The following WBP1L variants were observed in gnomAD, a reference collection of about 807,000 sequenced individuals.
WBP1L encodes the protein WW domain binding protein 1-like.
Under a neutral mutation model 33.7 loss-of-function variants are expected in WBP1L, and 17 were observed. That is an observed-to-expected ratio of 0.50 (90% CI 0.34 to 0.76). WBP1L has a LOEUF of 0.76. WBP1L is among the 30% of genes least tolerant of loss of function. The probability of loss-of-function intolerance (pLI) is 0.01; values close to 1 mark genes in which losing one functional copy is unlikely to be tolerated. For synonymous variants in WBP1L, 173 were observed against 190.8 expected, an observed-to-expected ratio of 0.91 and a Z score of 0.77; for missense variants, 389 against 469.4, an observed-to-expected ratio of 0.83 and a Z score of 1.58.
chr10:102,799,291 A>C (rs12359921), intron 2 of WBP1L, among the ~76,000 whole-genome samples: 3 of 151,508 alleles, frequency 2.0e-5, no homozygotes, highest in Non-Finnish European at 2.9e-5. Context: ...GCGCCACTGC[A>C]CTCCAGCCTG....
chr10:102,805,310 T>G (rs886780448), intron 2 of WBP1L, among the ~76,000 whole-genome samples: 1 of 152,062 alleles, frequency 6.6e-6, no homozygotes, highest in Non-Finnish European at 1.5e-5. Context: ...TTTTAAAAAA[T>G]TGTAAAAGCT....
chr10:102,756,816 C>G (rs1200109784), intron 1 of WBP1L, among the ~76,000 whole-genome samples: 1 of 151,946 alleles, frequency 6.6e-6, no homozygotes, highest in Non-Finnish European at 1.5e-5. Context: ...CGCCTGTAAT[C>G]CCAGTACTTT....
At position 102,769,739 on chromosome 10, in the gene WBP1L, CTG is replaced by C. The variant is rs1226913048; in HGVS notation, c.90+25600_90+25601del. Among the ~76,000 whole-genome samples the C allele has an allele frequency of 3.3e-5, 5 of 152,190 alleles. No individual in the cohort carries two copies. In the East Asian group the frequency reaches 9.6e-4, roughly 29 times the overall value. On this transcript the variant is annotated intron_variant, in intron 1 of 3. Transcript: ENST00000448841. ...TCCTTGAACGAGTTACCTAACGTCA[CTG>C]TGTAAAATATGAGATGTCACCATCT...
intron 2 of WBP1L, among the ~76,000 whole-genome samples, 153 bp downstream of exon 2, chr10:102,798,248 G>T (rs1431826969): frequency 6.6e-6 from 1 of 152,178 alleles, no homozygotes. Flanking sequence ...TGCTTCCTTT[G>T]TAGAGGAAGA....
chr10:102,787,438 A>T (rs962090029), intron 1 of WBP1L, among the ~76,000 whole-genome samples: 1 of 152,102 alleles, frequency 6.6e-6, no homozygotes, highest in African/African-American at 2.4e-5. Context: ...AATAAAAAAA[A>T]TTAGCTGGGT....
chr10:102,754,934 C>T (rs1249826482), intron 1 of WBP1L, among the ~76,000 whole-genome samples: 1 of 151,226 alleles, frequency 6.6e-6, no homozygotes, highest in African/African-American at 2.4e-5. Context: ...TGGTCTGTCA[C>T]CCAGCTTTAA....
intron 2 of WBP1L, among the ~76,000 whole-genome samples, chr10:102,808,694 A>G (rs932942860): frequency 1.3e-5 from 2 of 152,226 alleles, no homozygotes; most frequent in African/African-American, 2.4e-5. Flanking sequence ...ACCTGAGGCA[A>G]TTAGAATTTT....
intron 1 of WBP1L, among the ~76,000 whole-genome samples, chr10:102,793,898 A>G (rs531305511): frequency 6.6e-6 from 1 of 152,120 alleles, no homozygotes; most frequent in Non-Finnish European, 1.5e-5. Context: ...CCTCCCAAGT[A>G]GCTGGGACTA....
intron 1 of WBP1L, among the ~76,000 whole-genome samples, chr10:102,752,868 C>T (rs1473205274): frequency 6.6e-6 from 1 of 152,208 alleles, no homozygotes; most frequent in Non-Finnish European, 1.5e-5. Flanking sequence ...GGAGAGTCCT[C>T]TTTTCAGGCC....
In WBP1L at chr10:102,744,135, C is replaced by A. The variant is rs1170755396; in HGVS notation, c.82C>A (p.Pro28Thr). Reference protein sequence around the residue: ...LPSPLSARAEPPQDKEACVGT... With the variant: ...LPSPLSARAETPQDKEACVGT... ...CAGCCCCTTGTCAGCCAGGGCTGAA[C>A]CCCCGCAGGTAAGGGGGAGGGGGCG... Residue 28 changes from proline (P) to threonine (T), a missense_variant, in exon 1 of 4, where the codon CCC becomes ACC. Coordinates refer to ENST00000448841, the MANE Select transcript of WBP1L (RefSeq NM_001083913.2). The A allele has an allele frequency of 1.3e-6, 2 of 1,550,482 alleles. No individual in the cohort carries two copies. Among genetic ancestry groups the A allele is most frequent in the Admixed American group, 3.9e-5 (2 of 50,978 alleles).
chr10:102,773,248 C>T (rs1045481072), intron 1 of WBP1L, among the ~76,000 whole-genome samples: 3 of 152,112 alleles, frequency 2.0e-5, no homozygotes, highest in Admixed American at 2.0e-4. Flanking sequence ...CCTCAGATAT[C>T]AGCGCTTAGT....
chr10:102,747,408 T>C (rs2134022604), intron 1 of WBP1L, among the ~76,000 whole-genome samples: 1 of 147,042 alleles, frequency 6.8e-6, no homozygotes, highest in East Asian at 2.0e-4. Context: ...ATGCTCCAAA[T>C]AGTAAGGCTC....
intron 1 of WBP1L, chr10:102,776,069 G>C: frequency 1.0e-6 from 1 of 983,302 alleles, no homozygotes; most frequent in South Asian, 4.7e-5. Flanking sequence ...CAGTATTCCA[G>C]TGCAGCTGTC....
chr10:102,766,983 C>T (rs1280200508), intron 1 of WBP1L, among the ~76,000 whole-genome samples: 1 of 152,186 alleles, frequency 6.6e-6, no homozygotes, highest in Non-Finnish European at 1.5e-5. Flanking sequence ...CTATGAGCTG[C>T]AGCCTGCTGA....
At chr10:102,773,024 C>G (rs1843213079) in intron 1 of WBP1L, among the ~76,000 whole-genome samples, 1 of 151,374 alleles carries the variant, frequency 6.6e-6, no homozygotes, top group African/African-American at 2.4e-5. Context: ...TTTACCCTAC[C>G]TTTGGCTCAT....
At chr10:102,749,190 A>G (rs1842899367) in intron 1 of WBP1L, among the ~76,000 whole-genome samples, 1 of 152,232 alleles carries the variant, frequency 6.6e-6, no homozygotes, top group East Asian at 1.9e-4. Flanking sequence ...GAGCATTTGA[A>G]ATGTGGCTAG....
intron 1 of WBP1L, among the ~76,000 whole-genome samples, chr10:102,789,959 C>T (rs927351623): frequency 4.6e-5 from 7 of 151,946 alleles, no homozygotes; most frequent in Middle Eastern, 3.4e-3. Context: ...AGGATGGTCT[C>T]GATCTCCTGA....
intron 1 of WBP1L, among the ~76,000 whole-genome samples, chr10:102,763,887 C>T (rs1311388309): frequency 1.3e-5 from 2 of 152,178 alleles, no homozygotes; most frequent in Non-Finnish European, 2.9e-5. Flanking sequence ...GATCTCGACT[C>T]ACTGCAACCT....
chr10:102,813,006 G>A lies in WBP1L; in HGVS notation c.767G>A (p.Ser256Asn). Residue 256 changes from serine to asparagine, a missense_variant, in exon 4 of 4, where the codon AGC (serine) becomes AAC (asparagine). Physicochemically the swap from Ser to Asn is conservative, Grantham distance 46 (BLOSUM62 1). Transcript: ENST00000448841. ...DDSSEHGAPD[S>N]KEKTPGRHRR... ...AGCTCTGAACACGGCGCACCCGACAGCAAAGAGAAGACGCCTGGGAGACAT... is the reference window on the plus strand; with the variant it reads ...AGCTCTGAACACGGCGCACCCGACAACAAAGAGAAGACGCCTGGGAGACAT... 1 of 1,613,722 alleles carries A rather than the reference G, an allele frequency of 6.2e-7. No homozygotes were observed. The highest frequency in any genetic ancestry group is 8.5e-7 in the Non-Finnish European group (1 of 1,180,026).
Sources: gnomAD v4.1 joint callset for allele counts (sites outside exome capture counted in the v4.1 genomes callset) on GRCh38, gnomAD v4.1.1 for gene constraint, MANE v1.5 for transcripts, NCBI Gene and HGNC (gene_info 2026-07-23, HGNC 2026-07-21) for gene names.